ZNF804A: variants seen among roughly 807,000 people sequenced by gnomAD.
ZNF804A encodes zinc finger protein 804A.
Under a neutral mutation model 16.5 loss-of-function variants are expected in ZNF804A, and 2 were observed. That is an observed-to-expected ratio of 0.12 (90% CI 0.05 to 0.38). The LOEUF is 0.38. ZNF804A is among the 10% of genes least tolerant of loss of function. The pLI is 0.99. For missense variants in ZNF804A, 1,473 were observed against 1,390.7 expected (o/e 1.06, Z -0.94); for synonymous variants, 534 against 489.6 (o/e 1.09, Z -1.20).
intron 1 of ZNF804A, among the ~76,000 whole-genome samples, chr2:184,799,455 T>C (rs1461279634): frequency 6.6e-6 from 1 of 152,184 alleles, no homozygotes; most frequent in Non-Finnish European, 1.5e-5. Context: ...TTTCCTTCCT[T>C]ATCATATTGT....
At chr2:184,730,903 A>G (rs1232093517) in intron 1 of ZNF804A, among the ~76,000 whole-genome samples, 1 of 151,534 alleles carries the variant, frequency 6.6e-6, no homozygotes, top group Non-Finnish European at 1.5e-5. Context: ...ACCAAGGAGC[A>G]TGATTGCTGG....
chr2:184,636,452 T>TGAGA (rs370660751), intron 1 of ZNF804A, among the ~76,000 whole-genome samples: 8 of 114,292 alleles, frequency 7.0e-5, no homozygotes, highest in Non-Finnish European at 1.1e-4. Flanking sequence ...TGTGTGTGTG[T>TGAGA]GAGAGAGAGA....
chr2:184,680,723 C>A (rs546943495), intron 1 of ZNF804A, among the ~76,000 whole-genome samples: 118 of 152,352 alleles, frequency 7.7e-4, no homozygotes, highest in African/African-American at 2.7e-3. Context: ...ACTTGGGACC[C>A]ACTGAATGGC....
At chr2:184,766,723 A>T (rs903789598) in intron 1 of ZNF804A, among the ~76,000 whole-genome samples, 1 of 152,072 alleles carries the variant, frequency 6.6e-6, no homozygotes, top group African/African-American at 2.4e-5. Flanking sequence ...TCAAAGAGAT[A>T]TTTATACATT....
intron 1 of ZNF804A, among the ~76,000 whole-genome samples, chr2:184,864,586 C>T (rs1250220075): frequency 1.3e-5 from 2 of 152,118 alleles, no homozygotes; most frequent in Admixed American, 1.3e-4. Flanking sequence ...ATAAACTATG[C>T]CTCCCAAACC....
chr2:184,736,766 AC>A (rs1204212424), intron 1 of ZNF804A, among the ~76,000 whole-genome samples: 1 of 152,192 alleles, frequency 6.6e-6, no homozygotes, highest in African/African-American at 2.4e-5. Flanking sequence ...TTTTAACTTA[AC>A]AGTGGTTAAT....
At chr2:184,650,721 A>C (rs1465202487) in intron 1 of ZNF804A, among the ~76,000 whole-genome samples, 1 of 151,870 alleles carries the variant, frequency 6.6e-6, no homozygotes, top group Non-Finnish European at 1.5e-5. Flanking sequence ...AGAACCAAAC[A>C]AAAACCTAGG....
chr2:184,619,478 G>T (rs1332682314), intron 1 of ZNF804A, among the ~76,000 whole-genome samples: 1 of 151,808 alleles, frequency 6.6e-6, no homozygotes, highest in African/African-American at 2.4e-5. Flanking sequence ...TGGCAATAAA[G>T]GAAGCTAGAA....
intron 1 of ZNF804A, among the ~76,000 whole-genome samples, chr2:184,832,665 ACTAT>A (rs1374042901): frequency 1.3e-5 from 2 of 151,424 alleles, no homozygotes; most frequent in East Asian, 1.9e-4. Flanking sequence ...CTTAATTTCC[ACTAT>A]CTTTTTCATC....
chr2:184,851,512 C>T (rs1461842171), intron 1 of ZNF804A, among the ~76,000 whole-genome samples: 2 of 151,832 alleles, frequency 1.3e-5, no homozygotes, highest in Non-Finnish European at 2.9e-5. Context: ...AATGACAGGA[C>T]TTTCTTCTCT....
intron 2 of ZNF804A, among the ~76,000 whole-genome samples, chr2:184,901,079 A>G (rs1685174246): frequency 6.6e-6 from 1 of 152,118 alleles, no homozygotes; most frequent in Non-Finnish European, 1.5e-5. Context: ...ATTAGCTCCC[A>G]TTTTGAGCCA....
At chr2:184,695,200 G>A (rs919708324) in intron 1 of ZNF804A, among the ~76,000 whole-genome samples, 11 of 152,048 alleles carry the variant, frequency 7.2e-5, no homozygotes, top group African/African-American at 2.7e-4. Flanking sequence ...GGTGGCTCAC[G>A]CCTGTAATCC....
At chr2:184,804,564 A>G (rs1694774637) in intron 1 of ZNF804A, among the ~76,000 whole-genome samples, 1 of 152,226 alleles carries the variant, frequency 6.6e-6, no homozygotes, top group African/African-American at 2.4e-5. Flanking sequence ...TGCACATTGT[A>G]GTTTGAAAAG....
chr2:184,871,511 T>C (rs1047134973), intron 2 of ZNF804A, among the ~76,000 whole-genome samples: 1 of 149,978 alleles, frequency 6.7e-6, no homozygotes. Flanking sequence ...AAAATAAACA[T>C]ATATATATAT....
chr2:184,862,989 G>T (rs1208356604), intron 1 of ZNF804A, among the ~76,000 whole-genome samples: 1 of 152,054 alleles, frequency 6.6e-6, no homozygotes, highest in Non-Finnish European at 1.5e-5. Flanking sequence ...GAGATATACT[G>T]AAATATTTAC....
Position 184,604,146 on chromosome 2 carries a change from C to CTTTTTTTTTTTTTTTTTTT in ZNF804A, c.111+5099_111+5117dup, listed in dbSNP as rs759053144. Reference sequence around the variant, plus strand: ...TTCAGGTTATGGATGACTGCAATTACTTTTTTTTTTTTTTTTTTTTTTTTT... The same window carrying CTTTTTTTTTTTTTTTTTTT: ...TTCAGGTTATGGATGACTGCAATTACTTTTTTTTTTTTTTTTTTTTTTTTTTTTTTTTTTTTTTTTTTTT... On this transcript the variant is annotated intron_variant, in intron 1 of 3. Coordinates refer to ENST00000302277, the MANE Select transcript of ZNF804A (RefSeq NM_194250.2). Among the ~76,000 whole-genome samples the CTTTTTTTTTTTTTTTTTTT allele has an allele frequency of 2.0e-4, 9 of 44,898 alleles. 1 individual carries two copies. The highest frequency in any genetic ancestry group is 3.1e-4 in the Non-Finnish European group (7 of 22,814). 29.5% of individuals were successfully genotyped at this position (44,898 alleles called of 152,430 possible). A position where few individuals can be genotyped will look rare whatever the true frequency, so the allele number is the denominator to read the frequency against.
At chr2:184,645,423 G>A (rs1344981329) in intron 1 of ZNF804A, among the ~76,000 whole-genome samples, 2 of 152,140 alleles carry the variant, frequency 1.3e-5, no homozygotes, top group Non-Finnish European at 2.9e-5. Flanking sequence ...ACCAAAATAG[G>A]CCAGTTTATT....
chr2:184,814,365 G>T (rs552274707), intron 1 of ZNF804A, among the ~76,000 whole-genome samples: 1 of 152,056 alleles, frequency 6.6e-6, no homozygotes, highest in African/African-American at 2.4e-5. Context: ...TTTTGCACTC[G>T]ATAAGTTAGA....
chr2:184,915,252 A>G (rs1052331869), intron 2 of ZNF804A, among the ~76,000 whole-genome samples: 2 of 152,090 alleles, frequency 1.3e-5, no homozygotes, highest in Non-Finnish European at 2.9e-5. Context: ...TACTTTTATT[A>G]CATTGTAAAA....
Sources: gnomAD v4.1 joint callset for allele counts (sites outside exome capture counted in the v4.1 genomes callset) on GRCh38, gnomAD v4.1.1 for gene constraint, MANE v1.5 for transcripts, NCBI Gene and HGNC (gene_info 2026-07-23, HGNC 2026-07-21) for gene names.